KLHL13: variants seen among roughly 807,000 people sequenced by gnomAD.
The protein encoded by KLHL13 is kelch-like protein 13.
In KLHL13, 10 loss-of-function variants were observed where a neutral mutation model predicts 37.1. The ratio of observed to expected loss-of-function variants is 0.27; its 90% confidence interval spans 0.17 to 0.46. The LOEUF (loss-of-function observed/expected upper bound fraction) is 0.46. Among genes scored for constraint, KLHL13 ranks in the 20% least tolerant of loss-of-function variants. The probability of loss-of-function intolerance (pLI) is 1.00; values close to 1 mark genes in which losing one functional copy is unlikely to be tolerated. For missense variants in KLHL13, 360 were observed against 509.3 expected (o/e 0.71, Z 2.82); for synonymous variants, 163 against 181.2 (o/e 0.90, Z 0.81).
upstream of KLHL13, among the ~76,000 whole-genome samples, chrX:117,975,171 AATAC>A (rs1180760320): frequency 9.9e-6 from 1 of 101,036 alleles, no homozygotes; most frequent in Non-Finnish European, 1.9e-5. Flanking sequence ...AAGAAGGAGA[AATAC>A]ATACACACAC....
chrX:118,090,751 C>T (rs1322749858), intron 1 of KLHL13, among the ~76,000 whole-genome samples: 43 of 109,087 alleles, frequency 3.9e-4, no homozygotes, highest in African/African-American at 1.4e-3. Flanking sequence ...CTAGAAATAC[C>T]ATTTGACCCA....
Position 118,053,195 on chromosome X carries a change from A to G in KLHL13, c.-56+63313T>C, listed in dbSNP as rs1045482009. Among the ~76,000 whole-genome samples, 6 of 112,391 alleles carry G rather than the reference A, an allele frequency of 5.3e-5. No individual in the cohort carries two copies. In the South Asian group the frequency reaches 1.8e-3, roughly 35 times the overall value. ...GCTATAAAGACGCATGCACACGTAT[A>G]TTTATTGCAGCACTATTCACAATAG... On this transcript the variant is annotated intron_variant, in intron 1 of 6. Transcript: ENST00000371882.
intron 1 of KLHL13, among the ~76,000 whole-genome samples, chrX:117,954,449 G>A (rs1933800695): frequency 1.8e-5 from 2 of 111,965 alleles, no homozygotes; most frequent in South Asian, 7.4e-4. Flanking sequence ...TACATGGATG[G>A]ATGAATGGTA....
chrX:118,084,933 G>C (rs1348984209), intron 1 of KLHL13, among the ~76,000 whole-genome samples: 1 of 109,756 alleles, frequency 9.1e-6, no homozygotes, highest in African/African-American at 3.3e-5. Flanking sequence ...CTGAGGCAAA[G>C]AATCACTTGT....
At chrX:117,993,382 G>C (rs1425490609) in intron 1 of KLHL13, among the ~76,000 whole-genome samples, 2 of 112,294 alleles carry the variant, frequency 1.8e-5, no homozygotes, top group Admixed American at 9.4e-5. Context: ...CACTTACCAT[G>C]TGCCAAGCAG....
chrX:117,966,414 AC>A (rs1340489780), intron 1 of KLHL13, among the ~76,000 whole-genome samples: 3 of 111,180 alleles, frequency 2.7e-5, no homozygotes, highest in African/African-American at 9.9e-5. Flanking sequence ...AAAAGAGGAT[AC>A]AAACAAATGG....
At chrX:117,937,394 C>A (rs1253896200) in intron 2 of KLHL13, among the ~76,000 whole-genome samples, 1 of 111,448 alleles carries the variant, frequency 9.0e-6, no homozygotes, top group Non-Finnish European at 1.9e-5. Flanking sequence ...TCAAGTAACA[C>A]AAAATTTCAG....
chrX:117,942,479 C>A (rs2147791627), intron 2 of KLHL13, among the ~76,000 whole-genome samples: 1 of 111,430 alleles, frequency 9.0e-6, no homozygotes, highest in East Asian at 2.8e-4. Context: ...CTTTGTAGAT[C>A]TCTACGAACT....
At chrX:118,050,039 G>A (rs182000482) in intron 1 of KLHL13, among the ~76,000 whole-genome samples, 4 of 111,994 alleles carry the variant, frequency 3.6e-5, no homozygotes, top group Non-Finnish European at 7.5e-5. Flanking sequence ...CATTCCTCCC[G>A]TCTTTTCTTT....
At chrX:117,989,461 C>T (rs1187979739) in intron 1 of KLHL13, among the ~76,000 whole-genome samples, 2 of 106,870 alleles carry the variant, frequency 1.9e-5, no homozygotes, top group South Asian at 8.2e-4. Context: ...AATATGACTC[C>T]TAAACACCTC....
intron 1 of KLHL13, among the ~76,000 whole-genome samples, chrX:117,983,822 T>C (rs376866029): frequency 1.8e-5 from 2 of 111,775 alleles, no homozygotes; most frequent in Non-Finnish European, 3.8e-5. Flanking sequence ...ATAACAATGA[T>C]TGGCAGTTGA....
intron 5 of KLHL13, among the ~76,000 whole-genome samples, chrX:117,903,513 T>A (rs1225704753): frequency 9.0e-6 from 1 of 111,642 alleles, no homozygotes; most frequent in Non-Finnish European, 1.9e-5. Flanking sequence ...GTACTGTTGT[T>A]TTTTTTTACT....
intron 1 of KLHL13, among the ~76,000 whole-genome samples, chrX:118,082,949 T>C (rs779005298): frequency 1.8e-5 from 2 of 111,872 alleles, no homozygotes; most frequent in South Asian, 3.7e-4. Context: ...TCTGTTCTAG[T>C]GGTCTATGTG....
At chrX:117,919,991 A>G (rs1008715844) in intron 3 of KLHL13, among the ~76,000 whole-genome samples, 7 of 106,486 alleles carry the variant, frequency 6.6e-5, no homozygotes, top group African/African-American at 2.4e-4. Context: ...GAGGACACAG[A>G]GTCTCTGATG....
rs763158674 is a variant in KLHL13 at position 118,019,647 on chromosome X, T to C, written c.-55-74072A>G. On this transcript the variant is annotated intron_variant, in intron 1 of 6. Coordinates refer to the KLHL13 transcript ENST00000371882. Reference sequence around the variant, plus strand: ...TTAGGTCTAACGTTTAAGTCTTTAATCCATCTTGAATTGATTTTTGTATAA... The same window carrying C: ...TTAGGTCTAACGTTTAAGTCTTTAACCCATCTTGAATTGATTTTTGTATAA... 1.6e-4 allele frequency among the ~76,000 whole-genome samples: 18 copies of C among 111,519 alleles called. No individual in the cohort carries two copies. The South Asian group carries it at 6.8e-3, about 42-fold the overall frequency.
upstream of KLHL13, among the ~76,000 whole-genome samples, chrX:117,975,160 A>G (rs1384550538): frequency 9.5e-6 from 1 of 105,705 alleles, no homozygotes; most frequent in Non-Finnish European, 1.9e-5. Context: ...TTTGAAATCC[A>G]AAGAAGGAGA....
chrX:117,991,096 T>C (rs1440996893), intron 1 of KLHL13, among the ~76,000 whole-genome samples: 2 of 101,733 alleles, frequency 2.0e-5, no homozygotes, highest in Non-Finnish European at 3.8e-5. Context: ...CAGTGTGTTT[T>C]TGGGGTATGT....
chrX:117,905,968 A>G (rs62609216), intron 5 of KLHL13, among the ~76,000 whole-genome samples: 6,896 of 111,263 alleles, frequency 0.062, 198 homozygotes, highest in Middle Eastern at 0.13. Context: ...TACAGGCAAT[A>G]GTTACTGTGT....
chrX:117,914,724 GA>G (rs2147666251), intron 4 of KLHL13, among the ~76,000 whole-genome samples: 1 of 112,079 alleles, frequency 8.9e-6, no homozygotes, highest in Admixed American at 9.5e-5. Flanking sequence ...TATTTGAGGT[GA>G]ATGCCACTGG....
Sources: gnomAD v4.1 joint callset for allele counts (sites outside exome capture counted in the v4.1 genomes callset) on GRCh38, gnomAD v4.1.1 for gene constraint, MANE v1.5 for transcripts, NCBI Gene and HGNC (gene_info 2026-07-23, HGNC 2026-07-21) for gene names.